Variants in SCFD2 observed in about 807,000 individuals in gnomAD.
SCFD2 encodes the protein sec1 family domain containing 2.
SCFD2 carries 54 observed loss-of-function variants against 58.9 expected under a neutral mutation model. The ratio of observed to expected loss-of-function variants is 0.92; its 90% CI spans 0.74 to 1.15. SCFD2 has a LOEUF of 1.15. Ranked by LOEUF, SCFD2 falls within the 50% of genes most tolerant of loss-of-function variation. The pLI is 0.00. For missense variants in SCFD2, 805 were observed against 836.6 expected, an observed-to-expected ratio of 0.96 and a Z score of 0.47; for synonymous variants, 321 against 335.9, an observed-to-expected ratio of 0.96 and a Z score of 0.49.
intron 5 of SCFD2, among the ~76,000 whole-genome samples, chr4:53,128,331 C>A (rs1725693527): frequency 6.6e-6 from 1 of 152,136 alleles, no homozygotes; most frequent in South Asian, 2.1e-4. Context: ...CACTTCCATT[C>A]TAATATCTGG....
intron 2 of SCFD2, among the ~76,000 whole-genome samples, chr4:53,319,545 T>C: frequency 1.1e-5 from 1 of 94,130 alleles, no homozygotes; most frequent in South Asian, 3.3e-4. Context: ...TTTTCTTTTT[T>C]TTTTTTAGAA....
chr4:53,249,738 A>C (rs955137761), intron 4 of SCFD2, among the ~76,000 whole-genome samples: 1 of 151,848 alleles, frequency 6.6e-6, no homozygotes, highest in Admixed American at 6.6e-5. Context: ...TAAAATACAG[A>C]CAAGCAAATG....
chr4:52,886,020 C>T (rs1481620471), intron 7 of SCFD2, among the ~76,000 whole-genome samples, 154 bp from the exon 8 acceptor site: 2 of 152,134 alleles, frequency 1.3e-5, no homozygotes, highest in South Asian at 2.1e-4. Context: ...GGGGTGGGTC[C>T]CTGGTGAAAC....
At chr4:53,092,918 T>C (rs1724515321) in intron 5 of SCFD2, among the ~76,000 whole-genome samples, 1 of 152,064 alleles carries the variant, frequency 6.6e-6, no homozygotes, top group African/African-American at 2.4e-5. Flanking sequence ...AGATTATTGC[T>C]ACTGTACATA....
chr4:53,255,783 G>A (rs866496995), intron 4 of SCFD2, among the ~76,000 whole-genome samples: 4 of 151,466 alleles, frequency 2.6e-5, no homozygotes, highest in African/African-American at 9.7e-5. Context: ...TTCCCAGTAG[G>A]GGCGGCCGGG....
At chr4:53,097,596 CA>C (rs1724693960) in intron 5 of SCFD2, among the ~76,000 whole-genome samples, 1 of 152,186 alleles carries the variant, frequency 6.6e-6, no homozygotes, top group Non-Finnish European at 1.5e-5. Flanking sequence ...AGTTGCTTAT[CA>C]GCTGAAGGAG....
chr4:53,231,484 G>A (rs535944649), intron 4 of SCFD2, among the ~76,000 whole-genome samples: 1 of 152,272 alleles, frequency 6.6e-6, no homozygotes, highest in African/African-American at 2.4e-5. Flanking sequence ...AAAGCAAAAT[G>A]TCTTCACTTC....
intron 4 of SCFD2, among the ~76,000 whole-genome samples, chr4:53,191,372 G>A (rs1727887318): frequency 6.6e-6 from 1 of 151,998 alleles, no homozygotes; most frequent in South Asian, 2.1e-4. Context: ...AAAAAATCAA[G>A]TGTGAAAATA....
At chr4:53,053,927 T>C (rs1434171045) in intron 5 of SCFD2, among the ~76,000 whole-genome samples, 16 of 152,234 alleles carry the variant, frequency 1.1e-4, no homozygotes. Context: ...AATATTTGTC[T>C]AATTCTTTCA....
chr4:52,928,943 T>C (rs1719925583), intron 5 of SCFD2, among the ~76,000 whole-genome samples: 1 of 152,234 alleles, frequency 6.6e-6, no homozygotes, highest in South Asian at 2.1e-4. Flanking sequence ...ACTGATTTTC[T>C]TGAGCGGCTG....
At chr4:53,110,041 GGAACAGAACA>G (rs56074725) in intron 5 of SCFD2, among the ~76,000 whole-genome samples, 49,778 of 151,150 alleles carry the variant, frequency 0.33, 9,974 homozygotes, top group Non-Finnish European at 0.42. Context: ...ACAGACCAAT[GGAACAGAACA>G]GAACAGAACA....
At chr4:53,169,793 G>A (rs1335255139) in intron 4 of SCFD2, among the ~76,000 whole-genome samples, 1 of 151,972 alleles carries the variant, frequency 6.6e-6, no homozygotes, top group Non-Finnish European at 1.5e-5. Flanking sequence ...AGTGATTTGG[G>A]GCATGTTTTT....
chr4:53,064,587 G>A (rs1044679104), intron 5 of SCFD2, among the ~76,000 whole-genome samples: 11 of 152,216 alleles, frequency 7.2e-5, no homozygotes, highest in Admixed American at 5.2e-4. Flanking sequence ...GATCACTGAA[G>A]GTGTTTAAAA....
intron 4 of SCFD2, among the ~76,000 whole-genome samples, chr4:53,171,317 T>C (rs75597465): frequency 0.035 from 5,339 of 152,342 alleles, 127 homozygotes; most frequent in Non-Finnish European, 0.054. Context: ...TTTCACATTT[T>C]TCGATTTGCA....
chr4:53,150,597 A>C (rs1341039704), intron 4 of SCFD2, among the ~76,000 whole-genome samples: 1 of 152,230 alleles, frequency 6.6e-6, no homozygotes, highest in Non-Finnish European at 1.5e-5. Context: ...GAGGATTAAT[A>C]ATAAGGATGT....
chr4:53,121,247 C>T (rs1266394873), intron 5 of SCFD2, among the ~76,000 whole-genome samples: 3 of 152,222 alleles, frequency 2.0e-5, no homozygotes, highest in East Asian at 1.9e-4. Context: ...CACCTAAGGG[C>T]CCACACGTAA....
chr4:52,923,084 C>T (rs1719777980), intron 5 of SCFD2, among the ~76,000 whole-genome samples: 1 of 152,162 alleles, frequency 6.6e-6, no homozygotes, highest in African/African-American at 2.4e-5. Context: ...TATTCTCAGT[C>T]ACTGTGTGAC....
intron 4 of SCFD2, among the ~76,000 whole-genome samples, chr4:53,178,929 G>A (rs1430608642): frequency 2.0e-5 from 3 of 152,122 alleles, no homozygotes; most frequent in Non-Finnish European, 4.4e-5. Flanking sequence ...ATGAAATGAA[G>A]TGAGAAGAGA....
intron 2 of SCFD2, among the ~76,000 whole-genome samples, chr4:53,328,967 T>G (rs1268106813): frequency 6.6e-6 from 1 of 151,916 alleles, no homozygotes; most frequent in African/African-American, 2.4e-5. Context: ...CCTTTCCGAG[T>G]CAAAGAAAGG....
Sources: gnomAD v4.1 joint callset for allele counts (sites outside exome capture counted in the v4.1 genomes callset) on GRCh38, gnomAD v4.1.1 for gene constraint, MANE v1.5 for transcripts, NCBI Gene and HGNC (gene_info 2026-07-23, HGNC 2026-07-21) for gene names.